HECTD2: variants seen among roughly 807,000 people sequenced by gnomAD.
HECTD2 encodes the protein probable E3 ubiquitin-protein ligase HECTD2.
In HECTD2, 35 loss-of-function variants were observed where a neutral mutation model predicts 103.2. The ratio of observed to expected loss-of-function variants is 0.34; its 90% CI spans 0.26 to 0.45. The LOEUF (loss-of-function observed/expected upper bound fraction) is 0.45, where lower values mean the gene tolerates loss of function less well. HECTD2 is among the 20% of genes least tolerant of loss of function. The pLI is 1.00. For synonymous variants in HECTD2, 281 were observed against 329.9 expected (o/e 0.85, Z 1.61); for missense variants, 596 against 937.4 (o/e 0.64, Z 4.76).
chr10:91,467,315 T>A (rs1845565269), intron 5 of HECTD2, among the ~76,000 whole-genome samples: 1 of 152,086 alleles, frequency 6.6e-6, no homozygotes, highest in Admixed American at 6.5e-5. Context: ...GATGGTTTGG[T>A]ATGGGAACAT....
chr10:91,449,676 A>T (rs1348551826), intron 2 of HECTD2, among the ~76,000 whole-genome samples: 2 of 152,234 alleles, frequency 1.3e-5, no homozygotes, highest in East Asian at 1.9e-4. Context: ...TAAGCTGATA[A>T]GCAACTTCAG....
chr10:91,495,910 T>C (rs1297107477), intron 14 of HECTD2, among the ~76,000 whole-genome samples: 1 of 152,190 alleles, frequency 6.6e-6, no homozygotes, highest in Admixed American at 6.5e-5. Flanking sequence ...AAATGTTTTC[T>C]GTAAAATAAT....
rs1365424972 is a variant in HECTD2 at position 91,498,894 on chromosome 10, T to A, written c.1778T>A (p.Ile593Lys). The change falls in exon 17 of 21, where the codon ATA becomes AAA. Residue 593 changes from isoleucine (I) to lysine (K), a missense_variant. Physicochemically the swap from Ile to Lys is moderately radical, Grantham distance 102. Around this residue, in one of 4 missense-constraint regions of HECTD2, gnomAD observed 303 missense variants for 522.5 expected, o/e 0.58. Transcript: ENST00000298068. ...TFQVFQEEFG[I>K]IKSYNLKPGG... ...CAGGTTTTTCAAGAAGAATTTGGAA[T>A]AATCAAGTCCTATAATTTAAAGCCC... is the stretch of plus-strand genomic sequence containing the variant. 4 of 1,600,982 alleles carry A rather than the reference T, an allele frequency of 2.5e-6. No homozygotes were observed. The South Asian group carries it at 4.5e-5, about 18-fold the overall frequency.
At chr10:91,419,641 A>G (rs1843271099) in intron 1 of HECTD2, among the ~76,000 whole-genome samples, 1 of 152,294 alleles carries the variant, frequency 6.6e-6, no homozygotes, top group South Asian at 2.1e-4. Context: ...AGTCAGGTCT[A>G]TTATTTATTA....
At chr10:91,480,186 A>G in intron 6 of HECTD2, among the ~76,000 whole-genome samples, 1 of 152,168 alleles carries the variant, frequency 6.6e-6, no homozygotes, top group South Asian at 2.1e-4. Context: ...AAATATCATT[A>G]AAAAAATTCT....
intron 2 of HECTD2, among the ~76,000 whole-genome samples, chr10:91,456,316 T>C (rs1296262857): frequency 6.6e-6 from 1 of 152,158 alleles, no homozygotes; most frequent in Non-Finnish European, 1.5e-5. Flanking sequence ...GATTCCTAGG[T>C]ATTTTATTCT....
intron 1 of HECTD2, among the ~76,000 whole-genome samples, chr10:91,422,094 G>A (rs181609964): frequency 4.8e-4 from 73 of 152,056 alleles, no homozygotes; most frequent in Admixed American, 1.2e-3. Context: ...CTAAAATACA[G>A]ATATGATCAT....
intron 2 of HECTD2, among the ~76,000 whole-genome samples, chr10:91,432,777 A>T (rs1843943278): frequency 1.3e-5 from 2 of 151,980 alleles, no homozygotes; most frequent in Admixed American, 6.6e-5. Context: ...TCATGAGTTT[A>T]GTAGAACCTT....
At chr10:91,497,596 A>AGAAATGTTTCTTT (rs1846736286) in intron 15 of HECTD2, among the ~76,000 whole-genome samples, 2 of 151,494 alleles carry the variant, frequency 1.3e-5, no homozygotes, top group Non-Finnish European at 2.9e-5. Context: ...GGCATGAGCC[A>AGAAATGTTTCTTT]CCGTGCCCGG....
intron 10 of HECTD2, chr10:91,486,164 A>C (rs1480244648): frequency 2.6e-5 from 4 of 152,110 alleles, no homozygotes; most frequent in Non-Finnish European, 5.9e-5. Flanking sequence ...AATTGGTTAA[A>C]CTTTCCAGGG....
At chr10:91,411,949 G>T (rs1337427282) in intron 1 of HECTD2, among the ~76,000 whole-genome samples, 1 of 152,150 alleles carries the variant, frequency 6.6e-6, no homozygotes, top group South Asian at 2.1e-4. Context: ...TATAGAAACA[G>T]TTAAATGAGT....
chr10:91,491,544 T>C (rs1024325085), intron 12 of HECTD2, among the ~76,000 whole-genome samples: 15 of 152,182 alleles, frequency 9.9e-5, no homozygotes, highest in Non-Finnish European at 1.8e-4. Context: ...GTTTGTTAAT[T>C]CCCTAGAAAA....
chr10:91,504,997 C>G (rs1256323148), intron 20 of HECTD2, among the ~76,000 whole-genome samples: 1 of 151,940 alleles, frequency 6.6e-6, no homozygotes, highest in African/African-American at 2.4e-5. Context: ...AATTTTCAAC[C>G]CAGAATTTCA....
intron 10 of HECTD2, chr10:91,486,551 G>A (rs1312609779): frequency 6.6e-6 from 1 of 152,092 alleles, no homozygotes; most frequent in Non-Finnish European, 1.5e-5. Flanking sequence ...GAACCTAGAG[G>A]GGAACAGGAG....
chr10:91,453,252 C>T (rs978374062), intron 2 of HECTD2, among the ~76,000 whole-genome samples: 6 of 152,086 alleles, frequency 3.9e-5, no homozygotes, highest in African/African-American at 9.7e-5. Flanking sequence ...GGGAACGTAG[C>T]GAGACTTTGT....
At chr10:91,415,674 G>A (rs1036914407) in intron 1 of HECTD2, among the ~76,000 whole-genome samples, 11 of 152,110 alleles carry the variant, frequency 7.2e-5, no homozygotes, top group African/African-American at 1.9e-4. Context: ...CGACATTTGC[G>A]GTCATAGGTA....
chr10:91,473,513 T>C (rs545370158), intron 5 of HECTD2, among the ~76,000 whole-genome samples: 5 of 152,188 alleles, frequency 3.3e-5, no homozygotes, highest in Non-Finnish European at 5.9e-5. Flanking sequence ...AAAAAGAAAT[T>C]CATAAATACA....
chr10:91,429,260 T>G (rs544108612), intron 2 of HECTD2, among the ~76,000 whole-genome samples: 11 of 152,294 alleles, frequency 7.2e-5, no homozygotes, highest in Admixed American at 7.2e-4. Flanking sequence ...CTTTTTGATG[T>G]GCTGCTGGAT....
rs753142699 is a variant in HECTD2 at position 91,492,365 on chromosome 10, G to C, written c.1313G>C (p.Arg438Thr). Residue 438 changes from arginine (R) to threonine (T), a missense_variant, in exon 13 of 21, where the codon AGA becomes ACA. Physicochemically the swap from Arg to Thr is moderately conservative, Grantham distance 71 (BLOSUM62 -1). Transcript: ENST00000298068. ...SDSLDELTRK[R>T]ADLKKKLKVT... ...ATCTTCAAATAGCTAACCCGGAAAA[G>C]AGCCGATTTGAAAAAGAAGTTAAAA... is the stretch of plus-strand genomic sequence containing the variant. The C allele has an allele frequency of 6.2e-7, 1 of 1,612,806 alleles. No homozygotes were observed. Among genetic ancestry groups the C allele is most frequent in the East Asian group, 2.2e-5 (1 of 44,798 alleles).
Sources: gnomAD v4.1 joint callset for allele counts (sites outside exome capture counted in the v4.1 genomes callset) on GRCh38, gnomAD v4.1.1 for gene constraint, gnomAD v4.1.1 regional missense constraint, MANE v1.5 for transcripts, NCBI Gene and HGNC (gene_info 2026-07-23, HGNC 2026-07-21) for gene names.